Variants in FGF14 observed in about 807,000 individuals in gnomAD.
The protein encoded by FGF14 is fibroblast growth factor homologous factor 4.
In FGF14, 5 loss-of-function variants were observed where a neutral mutation model predicts 25.5. That is an observed-to-expected ratio of 0.20 (90% CI 0.10 to 0.41). The LOEUF is 0.41. Among genes scored for constraint, FGF14 ranks in the 10% least tolerant of loss-of-function variants. The probability of loss-of-function intolerance (pLI) is 1.00; values close to 1 mark genes in which losing one functional copy is unlikely to be tolerated. For missense variants in FGF14, 222 were observed against 320.1 expected (o/e 0.69, Z 2.34); for synonymous variants, 138 against 118.3 (o/e 1.17, Z -1.08).
intron 3 of FGF14, among the ~76,000 whole-genome samples, chr13:101,776,541 G>A (rs1447315461): frequency 1.3e-5 from 2 of 151,960 alleles, no homozygotes; most frequent in African/African-American, 2.4e-5. Context: ...GGCAGCCTTC[G>A]AGGGTGTCTC....
At position 101,739,043 on chromosome 13, in the gene FGF14, A is replaced by C. The variant is rs527430287; in HGVS notation, c.409-12233T>G. On this transcript the variant is annotated intron_variant, in intron 3 of 4. Transcript: ENST00000376143. ...ATATATATATAGGTGTGTGTGTACC[A>C]ATTACAAAGATGATTCTTCCCACCT... 2.0e-5 allele frequency among the ~76,000 whole-genome samples: 3 copies of C among 146,802 alleles called. No individual in the cohort carries two copies. In the East Asian group the frequency reaches 5.9e-4, roughly 29 times the overall value.
chr13:101,898,069 A>G (rs2030975040), intron 1 of FGF14, among the ~76,000 whole-genome samples: 1 of 151,584 alleles, frequency 6.6e-6, no homozygotes, highest in Admixed American at 6.6e-5. Context: ...TAATGTTTGT[A>G]TTTTTAGTAG....
At position 101,713,106 on chromosome 13, in the gene FGF14, G is replaced by A. The variant is rs566844314; in HGVS notation, c.*9725C>T. 9.1e-4 allele frequency: 138 copies of A among 152,310 alleles called. No homozygotes were observed. Among genetic ancestry groups the A allele is most frequent in the African/African-American group, 3.0e-3 (126 of 41,566 alleles). 9.4% of individuals were successfully genotyped at this position (152,310 alleles called of 1,614,324 possible). On this transcript the variant is annotated 3_prime_UTR_variant, in exon 5 of 5. Transcript: ENST00000376143. ...ATAATTCTGACTGCACTCTTACTTT[G>A]AGAAGTGTGTCAAGAAATGGCAAAC...
intron 3 of FGF14, among the ~76,000 whole-genome samples, chr13:101,799,890 A>T (rs1022805177): frequency 1.3e-5 from 2 of 152,170 alleles, no homozygotes; most frequent in African/African-American, 4.8e-5. Flanking sequence ...GATTTCATGG[A>T]AATTACAAGG....
intron 1 of FGF14, among the ~76,000 whole-genome samples, chr13:102,212,041 C>T (rs531131034): frequency 1.2e-4 from 18 of 152,252 alleles, no homozygotes; most frequent in African/African-American, 4.1e-4. Context: ...AGGGCTCCTT[C>T]GTTTCCAGGT....
intron 3 of FGF14, among the ~76,000 whole-genome samples, chr13:101,751,642 C>A (rs1365272461): frequency 6.6e-6 from 1 of 152,054 alleles, no homozygotes; most frequent in African/African-American, 2.4e-5. Context: ...ATACAGCCTG[C>A]CAACTGTTTA....
At chr13:101,823,918 T>TC (rs57106632) in intron 3 of FGF14, among the ~76,000 whole-genome samples, 3 of 150,340 alleles carry the variant, frequency 2.0e-5, no homozygotes, top group South Asian at 2.1e-4. Context: ...TTTTTCTTAA[T>TC]AATCAATTAT....
intron 1 of FGF14, among the ~76,000 whole-genome samples, chr13:102,336,622 G>A (rs2056796165): frequency 6.6e-6 from 1 of 152,170 alleles, no homozygotes; most frequent in South Asian, 2.1e-4. Flanking sequence ...TAATGTATAT[G>A]AAACAGCCAG....
At chr13:102,281,906 A>C (rs1041477180) in intron 1 of FGF14, among the ~76,000 whole-genome samples, 3 of 152,060 alleles carry the variant, frequency 2.0e-5, no homozygotes, top group African/African-American at 7.2e-5. Flanking sequence ...AAGATTGATC[A>C]TTTCTCTACT....
intron 1 of FGF14, among the ~76,000 whole-genome samples, chr13:102,096,644 T>A (rs976604583): frequency 2.0e-5 from 3 of 152,118 alleles, no homozygotes; most frequent in Non-Finnish European, 4.4e-5. Flanking sequence ...GAGAGGGTAC[T>A]TGAATTTTTC....
At chr13:102,387,834 C>T (rs954481391) in intron 1 of FGF14, among the ~76,000 whole-genome samples, 10 of 152,052 alleles carry the variant, frequency 6.6e-5, no homozygotes, top group African/African-American at 9.7e-5. Flanking sequence ...CAGGTTCAAG[C>T]GATTCTCCTG....
intron 1 of FGF14, among the ~76,000 whole-genome samples, chr13:102,011,021 C>T (rs1029199539): frequency 6.6e-6 from 1 of 152,006 alleles, no homozygotes; most frequent in Admixed American, 6.6e-5. Context: ...TTTAATAATG[C>T]CATTGTTCAT....
chr13:101,828,838 T>G (rs930103629), intron 3 of FGF14, among the ~76,000 whole-genome samples: 2 of 152,120 alleles, frequency 1.3e-5, no homozygotes, highest in African/African-American at 4.8e-5. Flanking sequence ...TTTATTTTTA[T>G]ATATGTACTC....
chr13:102,094,452 T>C (rs923651697), intron 1 of FGF14, among the ~76,000 whole-genome samples: 2 of 152,004 alleles, frequency 1.3e-5, no homozygotes, highest in African/African-American at 4.8e-5. Context: ...TGAGAAAAAA[T>C]GGGTATCTAC....
chr13:101,882,923 G>A (rs1257773623), intron 1 of FGF14, among the ~76,000 whole-genome samples: 1 of 151,712 alleles, frequency 6.6e-6, no homozygotes, highest in African/African-American at 2.4e-5. Flanking sequence ...AGATGGGAGT[G>A]ATAAAATTTT....
In FGF14 at chr13:102,307,292, C is replaced by T. The variant is rs566872047; in HGVS notation, c.208+94179G>A. Reference sequence around the variant, plus strand: ...AACCTCCGGAAAGGAACGCAGGCCCCTGATGCCTTCATTTTAGCCAGGTGA... The same window carrying T: ...AACCTCCGGAAAGGAACGCAGGCCCTTGATGCCTTCATTTTAGCCAGGTGA... On this transcript the variant is annotated intron_variant, in intron 1 of 4. Coordinates refer to the FGF14 transcript ENST00000376131. Among the ~76,000 whole-genome samples the T allele has an allele frequency of 4.1e-4, 62 of 152,242 alleles. 1 individual carries two copies. The highest frequency in any genetic ancestry group is 1.5e-3 in the African/African-American group (61 of 41,554).
At chr13:102,105,216 G>A (rs1279972880) in intron 1 of FGF14, among the ~76,000 whole-genome samples, 1 of 152,158 alleles carries the variant, frequency 6.6e-6, no homozygotes, top group Non-Finnish European at 1.5e-5. Context: ...TGCTGATGGA[G>A]GTTAGAGTTT....
In FGF14 at chr13:102,323,969, G is replaced by A. The variant is rs866367636; in HGVS notation, c.208+77502C>T. On this transcript the variant is annotated intron_variant, in intron 1 of 4. Transcript: ENST00000376131. ...CCCAACGTGCAGTATGTGTGTGTGT[G>A]TGTGTGTGTGTGTGTGTGTGTGTGT... is the stretch of plus-strand genomic sequence containing the variant. Among the ~76,000 whole-genome samples the A allele has an allele frequency of 8.3e-3, 1,222 of 146,654 alleles. 17 individuals are homozygous for A. Among genetic ancestry groups the A allele is most frequent in the African/African-American group, 0.03 (1,129 of 37,896 alleles).
At chr13:101,773,786 G>A (rs903858138) in intron 3 of FGF14, among the ~76,000 whole-genome samples, 6 of 150,566 alleles carry the variant, frequency 4.0e-5, no homozygotes, top group Non-Finnish European at 7.4e-5. Flanking sequence ...AGAGACAGAA[G>A]ACTTGGGCTA....
Sources: allele counts gnomAD v4.1 joint callset (sites outside exome capture counted in the v4.1 genomes callset), GRCh38; gene constraint gnomAD v4.1.1; transcripts MANE v1.5; gene names NCBI Gene and HGNC (gene_info 2026-07-23, HGNC 2026-07-21).